Variants in SLC35D4 observed in about 807,000 individuals in gnomAD.
SLC35D4 encodes the protein UDP-N-acetylglucosamine transporter SLC35D4.
chr18:23,382,704 T>C, the SLC35D4 span, among the ~76,000 whole-genome samples: 1 of 152,294 alleles, frequency 6.6e-6, no homozygotes, highest in South Asian at 2.1e-4. Context: ...GTAAGTAAAA[T>C]GTCAGAGAAA....
At chr18:23,357,868 G>A in the SLC35D4 span, among the ~76,000 whole-genome samples, 1 of 152,176 alleles carries the variant, frequency 6.6e-6, no homozygotes. Flanking sequence ...GGGATTTCTT[G>A]GGATCTGGTT....
the SLC35D4 span, among the ~76,000 whole-genome samples, chr18:23,351,477 T>C: frequency 6.6e-6 from 1 of 152,132 alleles, no homozygotes; most frequent in South Asian, 2.1e-4. Context: ...ATTAAAAATC[T>C]TATTTTCAAA....
chr18:23,313,393 G>GA, the SLC35D4 span, among the ~76,000 whole-genome samples: 69 of 141,452 alleles, frequency 4.9e-4, no homozygotes, highest in Admixed American at 1.5e-3. Flanking sequence ...ATAGGGAAAA[G>GA]AAAAAAAAAA....
chr18:23,350,663 A>G, the SLC35D4 span, among the ~76,000 whole-genome samples: 2 of 152,136 alleles, frequency 1.3e-5, no homozygotes, highest in Admixed American at 1.3e-4. Flanking sequence ...TGTTCCAAAG[A>G]GGACTATCAA....
chr18:23,411,991 T>C, the SLC35D4 span, among the ~76,000 whole-genome samples: 1 of 152,196 alleles, frequency 6.6e-6, no homozygotes, highest in Non-Finnish European at 1.5e-5. Context: ...CACTGACACC[T>C]AGTGGACCAA....
chr18:23,293,104 C>T, the SLC35D4 span, among the ~76,000 whole-genome samples: 1 of 152,166 alleles, frequency 6.6e-6, no homozygotes, highest in Admixed American at 6.5e-5. Flanking sequence ...AGTAGCCAGG[C>T]TTGGTGGTGC....
At chr18:23,286,575 C>T in the SLC35D4 span, among the ~76,000 whole-genome samples, 2 of 151,468 alleles carry the variant, frequency 1.3e-5, no homozygotes, top group Non-Finnish European at 1.5e-5. Context: ...TCACGGATGC[C>T]GAGCTTCAGG....
chr18:23,294,597 A>G, the SLC35D4 span, among the ~76,000 whole-genome samples: 21 of 152,264 alleles, frequency 1.4e-4, no homozygotes, highest in African/African-American at 2.9e-4. Context: ...CCATCTCTAC[A>G]AAGAATAAAA....
the SLC35D4 span, among the ~76,000 whole-genome samples, chr18:23,316,247 G>A: frequency 3.3e-5 from 5 of 152,198 alleles, no homozygotes; most frequent in Admixed American, 3.3e-4. Context: ...AGTTGGAGGT[G>A]TATTTCAGAC....
the SLC35D4 span, among the ~76,000 whole-genome samples, chr18:23,255,768 C>T: frequency 4.0e-5 from 6 of 151,870 alleles, no homozygotes; most frequent in Non-Finnish European, 5.9e-5. Context: ...GCTGTATTGC[C>T]CAGGCTAGTC....
chr18:23,302,787 C>T, the SLC35D4 span, among the ~76,000 whole-genome samples: 3 of 152,306 alleles, frequency 2.0e-5, no homozygotes, highest in Non-Finnish European at 2.9e-5. Flanking sequence ...GTGGTGGAGG[C>T]CATGGTGGAT....
At chr18:23,309,906 C>A in the SLC35D4 span, among the ~76,000 whole-genome samples, 1 of 152,192 alleles carries the variant, frequency 6.6e-6, no homozygotes. Flanking sequence ...CCTAGTCAGC[C>A]CCCTGTACTT....
the SLC35D4 span, among the ~76,000 whole-genome samples, chr18:23,417,601 T>C: frequency 6.6e-6 from 1 of 152,212 alleles, no homozygotes. Context: ...AAAATAGTTA[T>C]GATGATTGTA....
At chr18:23,298,530 G>T in the SLC35D4 span, among the ~76,000 whole-genome samples, 3 of 152,170 alleles carry the variant, frequency 2.0e-5, no homozygotes, top group African/African-American at 7.2e-5. Context: ...ATTTAAAGGT[G>T]AAAATACAAG....
At chr18:23,429,927 T>C in the SLC35D4 span, among the ~76,000 whole-genome samples, 10 of 152,188 alleles carry the variant, frequency 6.6e-5, 1 homozygote, top group Admixed American at 5.9e-4. Flanking sequence ...GGATGCATAG[T>C]TTGCAAATAT....
At chr18:23,253,072 G>A in the SLC35D4 span, 1 of 1,573,440 alleles carries the variant, frequency 6.4e-7, no homozygotes, top group Non-Finnish European at 8.7e-7. Flanking sequence ...AGGAGGTACG[G>A]GAGGCTGGAC....
At chr18:23,421,501 T>A in the SLC35D4 span, 3 of 1,523,184 alleles carry the variant, frequency 2.0e-6, no homozygotes, top group African/African-American at 4.1e-5. Flanking sequence ...TCCAACACCA[T>A]CCAGCCCCAG....
the SLC35D4 span, chr18:23,437,637 C>A: frequency 1.2e-6 from 1 of 805,478 alleles, no homozygotes. Context: ...GAGCATCCCA[C>A]ACACGGAGGA....
the SLC35D4 span, among the ~76,000 whole-genome samples, chr18:23,251,390 G>T: frequency 6.6e-6 from 1 of 152,154 alleles, no homozygotes; most frequent in Non-Finnish European, 1.5e-5. Flanking sequence ...GGCGGAGGTT[G>T]CAGTGAGCCG....
Sources: gnomAD v4.1 joint callset for allele counts (sites outside exome capture counted in the v4.1 genomes callset) on GRCh38, gnomAD v4.1.1 for gene constraint, MANE v1.5 for transcripts, NCBI Gene and HGNC (gene_info 2026-07-23, HGNC 2026-07-21) for gene names.